Variants in C4orf50 observed in about 807,000 individuals in gnomAD.
C4orf50 encodes chromosome 4 open reading frame 50.
Under a neutral mutation model 77.2 loss-of-function variants are expected in C4orf50, and 80 were observed. The ratio of observed to expected loss-of-function variants is 1.04; its 90% CI spans 0.87 to 1.25. C4orf50 has a LOEUF of 1.25. Ranked by LOEUF, C4orf50 falls within the 50% of genes most tolerant of loss-of-function variation. The pLI is 0.00. For missense variants in C4orf50, 1,257 were observed against 1,152.9 expected, an observed-to-expected ratio of 1.09 and a Z score of -1.31; for synonymous variants, 532 against 465.3, an observed-to-expected ratio of 1.14 and a Z score of -1.84.
rs1457961364 is a variant in C4orf50, at chr4:5,948,362, C to T, written c.*2474+8539G>A. Reference sequence around the variant, plus strand: ...TATTGGGCATTAGGGATGCTAACATCACAGAAAGAGAGATAGCCAGGGCTG... The same window carrying T: ...TATTGGGCATTAGGGATGCTAACATTACAGAAAGAGAGATAGCCAGGGCTG... On this transcript the variant is annotated intron_variant, in intron 7 of 7. Transcript: ENST00000324058. 2.0e-5 allele frequency among the ~76,000 whole-genome samples: 3 copies of T among 152,158 alleles called. No individual in the cohort carries two copies. The East Asian group carries it at 5.8e-4, about 29-fold the overall frequency.
At chr4:5,949,177 C>T (rs138178693) in intron 7 of C4orf50, among the ~76,000 whole-genome samples, 246 of 152,238 alleles carry the variant, frequency 1.6e-3, no homozygotes, top group African/African-American at 4.8e-3. Context: ...CCCCGCCCTG[C>T]GCCCGTGAAA....
chr4:5,931,710 C>T (rs959154792), intron 7 of C4orf50, among the ~76,000 whole-genome samples: 2 of 152,136 alleles, frequency 1.3e-5, no homozygotes, highest in South Asian at 2.1e-4. Context: ...GGATCCCTCT[C>T]GTTCAGCTCT....
intron 29 of C4orf50, among the ~76,000 whole-genome samples, chr4:5,979,626 GTTT>G (rs1225530637): frequency 2.6e-5 from 4 of 152,220 alleles, no homozygotes; most frequent in African/African-American, 9.6e-5. Context: ...TCTTGTACAT[GTTT>G]TTTAGAGACA....
At position 5,988,286 on chromosome 4, in the gene C4orf50, G is replaced by A. The variant is rs1720989006; in HGVS notation, c.3699+61C>T. The A allele has an allele frequency of 4.5e-6, 7 of 1,566,530 alleles. No individual in the cohort carries two copies. The South Asian group carries it at 6.1e-5, about 14-fold the overall frequency. On this transcript the variant is annotated intron_variant, in intron 28 of 33. Coordinates refer to ENST00000531445, the Ensembl canonical transcript of C4orf50. ...ACTCTGGTGAATTGCATAAGTGAAT[G>A]GGGTGGCCCCCGGAACAGAGTCATG...
rs2108745926 is a variant in C4orf50 at position 5,932,831 on chromosome 4, A to G, written c.*2474+24070T>C. 6.6e-6 allele frequency among the ~76,000 whole-genome samples: 1 copy of G among 152,324 alleles called. No homozygotes were observed. The highest frequency in any genetic ancestry group is 1.5e-5 in the Non-Finnish European group (1 of 68,030). On this transcript the variant is annotated intron_variant, in intron 7 of 7. Coordinates refer to the C4orf50 transcript ENST00000324058. This position sits in a 1 kb window ranked among gnomAD's most constrained non-coding sequence, Gnocchi z 4.2. ...TTTTTGAACTTCAGTTTCCTTCTGC[A>G]CAGAGGAGAATATTACTAGTTAGCT...
At chr4:5,999,235 A>G (rs570127009) in intron 25 of C4orf50, among the ~76,000 whole-genome samples, 31 of 152,324 alleles carry the variant, frequency 2.0e-4, no homozygotes, top group African/African-American at 4.8e-4. Context: ...CCAAGGGGTC[A>G]CTGCAGGTGG....
chr4:5,904,912 CT>C (rs1160584625), intron 7 of C4orf50: 8 of 152,246 alleles, frequency 5.3e-5, no homozygotes, highest in Admixed American at 1.3e-4. Context: ...TCAATGAGTC[CT>C]TATGGCAGAG....
At chr4:5,974,216 G>C (rs1720118310) in intron 30 of C4orf50, among the ~76,000 whole-genome samples, 1 of 152,190 alleles carries the variant, frequency 6.6e-6, no homozygotes, top group Non-Finnish European at 1.5e-5. Flanking sequence ...AGGAGACGGC[G>C]CAGGCAGGCA....
chr4:5,947,275 C>T (rs77558947), intron 7 of C4orf50, among the ~76,000 whole-genome samples: 5,782 of 152,194 alleles, frequency 0.038, 316 homozygotes, highest in African/African-American at 0.12. Flanking sequence ...CCCTTCCTTA[C>T]TGACCCCAAT....
intron 25 of C4orf50, among the ~76,000 whole-genome samples, chr4:6,004,066 G>GTGA (rs200514129): frequency 1.8e-5 from 1 of 54,794 alleles, no homozygotes; most frequent in Non-Finnish European, 3.9e-5. Flanking sequence ...GGTGATGATG[G>GTGA]TGATGGTGAT....
intron 7 of C4orf50, among the ~76,000 whole-genome samples, chr4:5,946,874 G>A (rs1301884734): frequency 1.3e-5 from 2 of 152,254 alleles, no homozygotes; most frequent in Non-Finnish European, 2.9e-5. Context: ...TTGCCTTGCT[G>A]AGAGAATTAA....
chr4:5,973,333 T>G (rs1181842057), intron 31 of C4orf50, among the ~76,000 whole-genome samples: 4 of 152,172 alleles, frequency 2.6e-5, no homozygotes, highest in African/African-American at 9.7e-5. Flanking sequence ...AAGTGGCCAG[T>G]GCACAGGTCC....
At position 5,900,611 on chromosome 4, in the gene C4orf50, A is replaced by C. The variant is rs576798775; in HGVS notation, c.*2475-2423T>G. ...TAATTGCATCAGACCAAGACCTAAA[A>C]TTCTGAATCAGCAGAGCCTGCCCCA... On this transcript the variant is annotated intron_variant, in intron 7 of 7. Coordinates refer to the C4orf50 transcript ENST00000324058. This position sits in a 1 kb window ranked among gnomAD's most constrained non-coding sequence, Gnocchi z 4.3. 1 of 152,368 alleles carries C rather than the reference A, an allele frequency of 6.6e-6. No homozygotes were observed. Among genetic ancestry groups the C allele is most frequent in the South Asian group, 2.1e-4 (1 of 4,828 alleles). The allele number at this position is 152,368 out of a possible 1,614,324, so 9.4% of individuals were successfully genotyped here.
intron 30 of C4orf50, among the ~76,000 whole-genome samples, chr4:5,974,473 C>T (rs576030008): frequency 3.3e-5 from 5 of 152,126 alleles, no homozygotes; most frequent in East Asian, 1.9e-4. Context: ...CAGACAGACA[C>T]GGAAATGTGG....
chr4:5,988,276 A>C, intron 28 of C4orf50, 71 bp downstream of exon 6: 1 of 1,556,698 alleles, frequency 6.4e-7, no homozygotes, highest in Admixed American at 1.8e-5. Flanking sequence ...GGTGAATTGC[A>C]TAAGTGAATG....
downstream of C4orf50, among the ~76,000 whole-genome samples, chr4:5,956,299 C>T (rs1037816955): frequency 2.0e-5 from 3 of 152,206 alleles, no homozygotes; most frequent in African/African-American, 4.8e-5. Context: ...CTGATCCCTG[C>T]TCATCTCCAA....
intron 7 of C4orf50, among the ~76,000 whole-genome samples, chr4:5,938,242 G>C (rs1331723239): frequency 1.3e-5 from 2 of 152,122 alleles, no homozygotes; most frequent in Non-Finnish European, 2.9e-5. Context: ...GGTTACGATG[G>C]AATTAAAACA....
chr4:5,963,210 C>A (rs529197277), intron 33 of C4orf50, among the ~76,000 whole-genome samples: 1 of 151,948 alleles, frequency 6.6e-6, no homozygotes. Context: ...TGTTGGCCAG[C>A]TAGTCTCAAA....
intron 29 of C4orf50, among the ~76,000 whole-genome samples, 165 bp downstream of exon 7, chr4:5,980,005 GTTTT>G (rs1407376817): frequency 6.6e-6 from 1 of 151,542 alleles, no homozygotes; most frequent in South Asian, 2.1e-4. Flanking sequence ...AGAGCCTGTG[GTTTT>G]TTGTTGTTTT....
Sources: allele counts gnomAD v4.1 joint callset (sites outside exome capture counted in the v4.1 genomes callset), GRCh38; gene constraint gnomAD v4.1.1; non-coding constraint Gnocchi (gnomAD v3.1); transcripts MANE v1.5; gene names NCBI Gene and HGNC (gene_info 2026-07-23, HGNC 2026-07-21).